Variants in INTU observed in about 807,000 individuals in gnomAD.
INTU encodes protein inturned.
Under a neutral mutation model 100.5 loss-of-function variants are expected in INTU, and 68 were observed. The ratio of observed to expected loss-of-function variants is 0.68; its 90% CI spans 0.56 to 0.83. The LOEUF (loss-of-function observed/expected upper bound fraction) is 0.83, where lower values mean the gene tolerates loss of function less well. Ranked by LOEUF, INTU falls within the 40% of genes least tolerant of loss-of-function variation. The pLI is 0.00. For synonymous variants in INTU, 357 were observed against 395.7 expected, an observed-to-expected ratio of 0.90 and a Z score of 1.16; for missense variants, 1,071 against 1,114.7, an observed-to-expected ratio of 0.96 and a Z score of 0.56.
intron 8 of INTU, among the ~76,000 whole-genome samples, chr4:127,691,105 T>C (rs1730101152): frequency 6.6e-6 from 1 of 152,194 alleles, no homozygotes; most frequent in African/African-American, 2.4e-5. Flanking sequence ...TGTAATCATA[T>C]GGTATGTAGT....
rs114540080 is a variant in INTU, at chr4:127,671,973, G to A, written c.1092-2151G>A. Reference sequence around the variant, plus strand: ...TAATGTATACACATGGACATAGAGTGTAAAATAACAGACATTGGAGCTTTT... The same window carrying A: ...TAATGTATACACATGGACATAGAGTATAAAATAACAGACATTGGAGCTTTT... On this transcript the variant is annotated intron_variant, in intron 5 of 15. Coordinates refer to ENST00000335251, the MANE Select transcript of INTU (RefSeq NM_015693.4). Among the ~76,000 whole-genome samples, 418 of 152,106 alleles carry A rather than the reference G, an allele frequency of 2.7e-3. 4 individuals carry two copies. The highest frequency in any genetic ancestry group is 9.4e-3 in the African/African-American group (392 of 41,528).
At position 127,706,953 on chromosome 4, in the gene INTU, G is replaced by A. The variant is rs764304392; in HGVS notation, c.2255G>A (p.Ser752Asn). 2 of 1,613,390 alleles carry A rather than the reference G, an allele frequency of 1.2e-6. No homozygotes were observed. Among genetic ancestry groups the A allele is most frequent in the East Asian group, 2.2e-5 (1 of 44,886 alleles). Reference protein sequence around the residue: ...ESQGSDGLEESGTLLKVTKKK... With the variant: ...ESQGSDGLEENGTLLKVTKKK... ...CAGGGCTCTGATGGTTTAGAAGAAA[G>A]TGGGACCTTGCTTAAGGTGTGTGCT... The change falls in exon 12 of 16, where the codon AGT becomes AAT. Residue 752 changes from serine to asparagine, a missense_variant. Physicochemically the swap from Ser to Asn is conservative, Grantham distance 46. Transcript: ENST00000335251.
At chr4:127,697,879 G>A (rs180738649) in intron 8 of INTU, among the ~76,000 whole-genome samples, 2 of 152,258 alleles carry the variant, frequency 1.3e-5, no homozygotes, top group Non-Finnish European at 1.5e-5. Context: ...CAAGCACTTT[G>A]GTAGGCTGAG....
chr4:127,670,047 A>G (rs10027661), intron 5 of INTU, among the ~76,000 whole-genome samples: 7,229 of 152,008 alleles, frequency 0.048, 494 homozygotes, highest in East Asian at 0.18. Flanking sequence ...AATATAGTCA[A>G]TTATAGAGTC....
intron 2 of INTU, among the ~76,000 whole-genome samples, chr4:127,654,434 T>C (rs1317473484): frequency 1.3e-5 from 2 of 152,228 alleles, no homozygotes; most frequent in Non-Finnish European, 2.9e-5. Flanking sequence ...ACAAAATCTC[T>C]CAGCATTTGC....
At position 127,663,565 on chromosome 4, in the gene INTU, C is replaced by G; in HGVS notation, c.953C>G (p.Ser318Ter). The change falls in exon 4 of 16, where the codon TCA becomes TGA. Residue 318 changes from serine (S) to a stop codon, truncating the protein, a stop_gained. Transcript: ENST00000335251. LOFTEE classifies it high-confidence loss of function. ...IIMYLTLQLD[S>*]ETSKEEQEIL... ...ATGTATCTCACACTACAGCTCGACT[C>G]AGAAACCTCAAAGGAAGAGGTGAGT... 6.2e-7 allele frequency: 1 copy of G among 1,612,950 alleles called. No homozygotes were observed. Among genetic ancestry groups the G allele is most frequent in the South Asian group, 1.1e-5 (1 of 90,994 alleles).
rs943619573 is a variant in INTU at position 127,720,602 on chromosome 4, G to A, written c.*4166G>A. On this transcript the variant is annotated 3_prime_UTR_variant, in exon 16 of 16. Transcript: ENST00000335251. ...TGTTAAAGTCTCCCACTATTATTGTGTGGAAATCTAAGTCTCTTTTTGGGT... is the reference window on the plus strand; with the variant it reads ...TGTTAAAGTCTCCCACTATTATTGTATGGAAATCTAAGTCTCTTTTTGGGT... 2.0e-5 allele frequency: 3 copies of A among 152,166 alleles called. No individual in the cohort carries two copies. The highest frequency in any genetic ancestry group is 2.9e-5 in the Non-Finnish European group (2 of 68,020). The allele number at this position is 152,166 out of a possible 1,614,324, so 9.4% of individuals were successfully genotyped here.
chr4:127,662,728 G>A (rs1198265969), intron 3 of INTU, among the ~76,000 whole-genome samples: 1 of 152,122 alleles, frequency 6.6e-6, no homozygotes, highest in Non-Finnish European at 1.5e-5. Context: ...TGTGGAAAAT[G>A]GCCACATTCT....
chr4:127,685,355 A>G (rs144518576), intron 7 of INTU: 37 of 424,568 alleles, frequency 8.7e-5, no homozygotes, highest in Non-Finnish European at 1.5e-4. Flanking sequence ...ACAAAAATCC[A>G]AAGGCAGTTT....
rs752934096 is a variant in INTU, at chr4:127,716,389, A to T, written c.2782A>T (p.Ile928Phe). The change falls in exon 16 of 16, where the codon ATT becomes TTT. Residue 928 changes from isoleucine (I) to phenylalanine (F), a missense_variant. Ile to Phe is a conservative substitution (Grantham distance 21, BLOSUM62 0). Coordinates refer to ENST00000335251, the MANE Select transcript of INTU (RefSeq NM_015693.4). ...CTGTTTTCATGACTCAGTCACAGAAATTGCCATTGAAATAGCTTTTAAATT... is the reference window on the plus strand; with the variant it reads ...CTGTTTTCATGACTCAGTCACAGAATTTGCCATTGAAATAGCTTTTAAATT... ...YVCFHDSVTE[I>F]AIEIAFKLFF... 1.3e-6 allele frequency: 2 copies of T among 1,592,538 alleles called. No homozygotes were observed. Among genetic ancestry groups the T allele is most frequent in the Non-Finnish European group, 1.7e-6 (2 of 1,169,848 alleles).
intron 4 of INTU, among the ~76,000 whole-genome samples, chr4:127,666,710 G>A (rs1401784931): frequency 6.6e-6 from 1 of 152,172 alleles, no homozygotes; most frequent in Non-Finnish European, 1.5e-5. Flanking sequence ...TCAGCAATTT[G>A]AAAAGTATGT....
chr4:127,701,041 A>G, intron 9 of INTU, among the ~76,000 whole-genome samples: 1 of 152,146 alleles, frequency 6.6e-6, no homozygotes, highest in East Asian at 1.9e-4. Context: ...ATGGTCATCA[A>G]TAGCTATTAA....
chr4:127,677,571 A>G (rs1729282740), intron 6 of INTU, among the ~76,000 whole-genome samples: 1 of 151,884 alleles, frequency 6.6e-6, no homozygotes, highest in South Asian at 2.1e-4. Context: ...TAACAAACAG[A>G]AAGGACATCC....
intron 2 of INTU, among the ~76,000 whole-genome samples, chr4:127,655,578 A>G (rs28852787): frequency 0.064 from 9,535 of 149,846 alleles, 987 homozygotes; most frequent in African/African-American, 0.23. Context: ...CAGTCTGCCC[A>G]TTCTCAGATC....
intron 1 of INTU, among the ~76,000 whole-genome samples, chr4:127,638,786 T>C (rs562729433): frequency 1.3e-5 from 2 of 152,246 alleles, no homozygotes; most frequent in East Asian, 3.9e-4. Context: ...CATACACTTA[T>C]TCTGCTTAAA....
At chr4:127,637,221 T>C (rs73847024) in intron 1 of INTU, among the ~76,000 whole-genome samples, 3,001 of 152,292 alleles carry the variant, frequency 0.02, 97 homozygotes, top group African/African-American at 0.068. Context: ...ATCTGCATGC[T>C]TCTGATTTCT....
At position 127,633,082 on chromosome 4, in the gene INTU, C is replaced by T. The variant is rs758662190; in HGVS notation, c.48C>T (p.Leu16=). 5 of 1,613,966 alleles carry T rather than the reference C, an allele frequency of 3.1e-6. No homozygotes were observed. In the Admixed American group the frequency reaches 8.3e-5, roughly 27 times the overall value. ...SCDSRPSSDE[L]PGDPSSQEED... The stretch of plus-strand genomic sequence containing the variant: ...ATTCGCGTCCGAGCTCAGACGAGCT[C>T]CCTGGAGACCCCTCTTCACAAGAAG... The change falls in exon 1 of 16, where the codon CTC becomes CTT. Residue 16 remains leucine, a synonymous_variant. Coordinates refer to ENST00000335251, the MANE Select transcript of INTU (RefSeq NM_015693.4).
intron 13 of INTU, among the ~76,000 whole-genome samples, 171 bp from the exon 14 acceptor site, chr4:127,710,742 C>T (rs1036380950): frequency 5.9e-5 from 9 of 152,126 alleles, no homozygotes; most frequent in Admixed American, 3.9e-4. Flanking sequence ...ACTTCAGTTA[C>T]GGATGAAGAG....
At chr4:127,693,504 C>T (rs1272606352) in intron 8 of INTU, among the ~76,000 whole-genome samples, 2 of 152,058 alleles carry the variant, frequency 1.3e-5, no homozygotes, top group African/African-American at 4.8e-5. Flanking sequence ...GGTATATAGT[C>T]ATATCATTAG....
Sources: allele counts gnomAD v4.1 joint callset (sites outside exome capture counted in the v4.1 genomes callset), GRCh38; gene constraint gnomAD v4.1.1; transcripts MANE v1.5; gene names NCBI Gene and HGNC (gene_info 2026-07-23, HGNC 2026-07-21).